Variants in ALDH1A1 observed in about 807,000 individuals in gnomAD.
ALDH1A1 encodes the protein aldehyde dehydrogenase 1 family member A1, also known as aldehyde dehydrogenase 1A1.
A neutral mutation model predicts 62.1 loss-of-function variants in ALDH1A1; 19 were observed. That is an observed-to-expected ratio of 0.31 (90% CI 0.21 to 0.45). The LOEUF (loss-of-function observed/expected upper bound fraction) is 0.45, where lower values mean the gene tolerates loss of function less well. ALDH1A1 is among the 20% of genes least tolerant of loss of function. The probability of loss-of-function intolerance (pLI) is 1.00; values close to 1 mark genes in which losing one functional copy is unlikely to be tolerated. For missense variants in ALDH1A1, 521 were observed against 607.1 expected, an observed-to-expected ratio of 0.86 and a Z score of 1.49; for synonymous variants, 231 against 215.9, an observed-to-expected ratio of 1.07 and a Z score of -0.61.
chr9:72,932,405 G>T (rs190615277), intron 2 of ALDH1A1, among the ~76,000 whole-genome samples: 1 of 152,142 alleles, frequency 6.6e-6, no homozygotes, highest in Admixed American at 6.6e-5. Context: ...ACAAGTCTGT[G>T]AATTAAAATA....
At chr9:72,903,763 A>G (rs1829837490) in intron 12 of ALDH1A1, among the ~76,000 whole-genome samples, 1 of 150,814 alleles carries the variant, frequency 6.6e-6, no homozygotes, top group Non-Finnish European at 1.5e-5. Flanking sequence ...AGTCTGACCA[A>G]ATTATGTTCA....
chr9:72,941,507 T>C (rs919445526), intron 1 of ALDH1A1, among the ~76,000 whole-genome samples: 2 of 152,160 alleles, frequency 1.3e-5, no homozygotes, highest in African/African-American at 2.4e-5. Context: ...CATTGGACAA[T>C]TTGTCACTTT....
chr9:72,948,698 T>A, intron 1 of ALDH1A1, among the ~76,000 whole-genome samples: 1 of 151,894 alleles, frequency 6.6e-6, no homozygotes, highest in East Asian at 1.9e-4. Flanking sequence ...GATTAAAGCA[T>A]TCTCTTATTT....
At chr9:72,908,615 GAAAGAAAGAA>G (rs1301397375) in intron 11 of ALDH1A1, among the ~76,000 whole-genome samples, 156 of 104,470 alleles carry the variant, frequency 1.5e-3, no homozygotes, top group Admixed American at 6.7e-3. Flanking sequence ...AAGAAAGAAA[GAAAGAAAGAA>G]AGAGAATATT....
intron 7 of ALDH1A1, among the ~76,000 whole-genome samples, chr9:72,920,272 C>T (rs921263265): frequency 1.3e-4 from 20 of 151,956 alleles, no homozygotes; most frequent in African/African-American, 4.1e-4. Flanking sequence ...AATCAAACCC[C>T]TAAAAGATTA....
intron 1 of ALDH1A1, among the ~76,000 whole-genome samples, chr9:72,952,730 G>T (rs921613259): frequency 1.4e-4 from 21 of 151,966 alleles, no homozygotes; most frequent in African/African-American, 5.1e-4. Context: ...AATATTTTAA[G>T]AAATAAATTT....
chr9:72,933,960 C>A (rs1830316888), intron 2 of ALDH1A1, among the ~76,000 whole-genome samples: 1 of 152,030 alleles, frequency 6.6e-6, no homozygotes, highest in African/African-American at 2.4e-5. Flanking sequence ...CCATGCCCAT[C>A]TAATTGTTTA....
At chr9:72,942,114 GA>G (rs1306482435) in intron 1 of ALDH1A1, among the ~76,000 whole-genome samples, 11 of 152,246 alleles carry the variant, frequency 7.2e-5, no homozygotes, top group African/African-American at 2.6e-4. Context: ...TCAACTTGAG[GA>G]AAAATAAATT....
At chr9:72,911,365 G>A (rs1829985337) in intron 10 of ALDH1A1, among the ~76,000 whole-genome samples, 1 of 152,108 alleles carries the variant, frequency 6.6e-6, no homozygotes, top group Non-Finnish European at 1.5e-5. Flanking sequence ...CTTTTGTGGT[G>A]AGAACACTTA....
At chr9:72,930,382 C>A (rs1355601015) in intron 3 of ALDH1A1, among the ~76,000 whole-genome samples, 1 of 152,100 alleles carries the variant, frequency 6.6e-6, no homozygotes, top group East Asian at 1.9e-4. Context: ...TGAACAGACA[C>A]ATTTCAGGAA....
At chr9:72,925,132 G>A (rs1193535243) in intron 6 of ALDH1A1, among the ~76,000 whole-genome samples, 1 of 152,124 alleles carries the variant, frequency 6.6e-6, no homozygotes, top group East Asian at 1.9e-4. Flanking sequence ...GAAAACACTA[G>A]GCCATCAGTG....
chr9:72,918,630 T>G, intron 8 of ALDH1A1, 90 bp downstream of exon 8: 1 of 325,878 alleles, frequency 3.1e-6, no homozygotes, highest in Non-Finnish European at 5.3e-6. Flanking sequence ...TTTTTTTTTT[T>G]TTTTTTTGTA....
At chr9:72,910,932 T>A (rs1027938396) in intron 10 of ALDH1A1, among the ~76,000 whole-genome samples, 1 of 152,204 alleles carries the variant, frequency 6.6e-6, no homozygotes, top group Admixed American at 6.5e-5. Context: ...TCCAGGCTCC[T>A]ACTTTGAAGT....
At chr9:72,901,862 A>G (rs897775868) in intron 12 of ALDH1A1, among the ~76,000 whole-genome samples, 6 of 152,078 alleles carry the variant, frequency 3.9e-5, no homozygotes, top group Non-Finnish European at 5.9e-5. Context: ...TTTTAGTCTG[A>G]GGTGCCCTAA....
chr9:72,932,379 A>T (rs1326438996), intron 2 of ALDH1A1, among the ~76,000 whole-genome samples: 8 of 152,166 alleles, frequency 5.3e-5, no homozygotes, highest in African/African-American at 1.9e-4. Context: ...ATATTCAATC[A>T]AGAAGACCCA....
chr9:72,952,246 G>A (rs1324874804), intron 1 of ALDH1A1, among the ~76,000 whole-genome samples: 2 of 151,860 alleles, frequency 1.3e-5, no homozygotes, highest in African/African-American at 2.4e-5. Context: ...CTCTCAGAAC[G>A]ACTCAAGCAG....
intron 1 of ALDH1A1, among the ~76,000 whole-genome samples, chr9:72,946,195 T>C (rs1050872060): frequency 6.6e-6 from 1 of 151,998 alleles, no homozygotes; most frequent in African/African-American, 2.4e-5. Flanking sequence ...GACCTAGTAA[T>C]AGAATTGCTC....
chr9:72,914,854 C>A (rs1370509929), intron 9 of ALDH1A1, among the ~76,000 whole-genome samples: 2 of 151,580 alleles, frequency 1.3e-5, no homozygotes, highest in Admixed American at 6.6e-5. Flanking sequence ...TTTCTATAAC[C>A]TTTTTGATGT....
chr9:72,923,920 T>C (rs1025143743), intron 7 of ALDH1A1, 99 bp downstream of exon 7: 2 of 751,382 alleles, frequency 2.7e-6, no homozygotes, highest in African/African-American at 3.6e-5. Context: ...AAAAGAGTTT[T>C]TGTTTTAAAA....
Sources: allele counts gnomAD v4.1 joint callset (sites outside exome capture counted in the v4.1 genomes callset), GRCh38; gene constraint gnomAD v4.1.1; transcripts MANE v1.5; gene names NCBI Gene and HGNC (gene_info 2026-07-23, HGNC 2026-07-21).